The following NEK11 variants were observed in gnomAD, a reference collection of about 807,000 sequenced individuals.
NEK11 encodes the protein serine/threonine-protein kinase Nek11.
Under a neutral mutation model 80.7 loss-of-function variants are expected in NEK11, and 72 were observed. The ratio of observed to expected loss-of-function variants is 0.89; its 90% confidence interval spans 0.74 to 1.08. The LOEUF (loss-of-function observed/expected upper bound fraction) is 1.08. Among genes scored for constraint, NEK11 ranks in the 50% least tolerant of loss-of-function variants. The pLI, the probability that NEK11 is intolerant of heterozygous loss-of-function variation, is 0.00. For missense variants in NEK11, 764 were observed against 763.6 expected (o/e 1.00, Z -0.01); for synonymous variants, 251 against 260.7 (o/e 0.96, Z 0.36).
chr3:131,165,497 A>G lies in NEK11; in HGVS notation c.1154A>G (p.Gln385Arg), dbSNP rs112860756. ...MQELRSRNFQ[Q>R]LSVDVLHEKT... ...GAATTGAGATCTCGGAACTTTCAGCAGCTGAGTGTTGATGTACTCCATGTA... is the reference window on the plus strand; with the variant it reads ...GAATTGAGATCTCGGAACTTTCAGCGGCTGAGTGTTGATGTACTCCATGTA... Residue 385 changes from glutamine (Q) to arginine (R), a missense_variant, in exon 12 of 18, where the codon CAG becomes CGG. Coordinates refer to ENST00000383366, the MANE Select transcript of NEK11 (RefSeq NM_024800.5). 4.5e-5 allele frequency: 72 copies of G among 1,612,002 alleles called. No homozygotes were observed. Among genetic ancestry groups the G allele is most frequent in the Non-Finnish European group, 5.9e-5 (70 of 1,178,152 alleles).
At chr3:131,134,557 C>A (rs571124139) in intron 7 of NEK11, among the ~76,000 whole-genome samples, 3 of 152,016 alleles carry the variant, frequency 2.0e-5, no homozygotes, top group Non-Finnish European at 2.9e-5. Context: ...CCCACCACCA[C>A]GCCTGGCTAA....
At chr3:131,161,510 A>C (rs377409334) in intron 10 of NEK11, among the ~76,000 whole-genome samples, 8 of 152,240 alleles carry the variant, frequency 5.3e-5, no homozygotes, top group East Asian at 3.8e-4. Context: ...CCATAAAAAT[A>C]ACAAGATCAT....
chr3:131,148,850 A>C (rs573323545), intron 7 of NEK11, among the ~76,000 whole-genome samples: 2 of 151,900 alleles, frequency 1.3e-5, no homozygotes, highest in Admixed American at 1.3e-4. Context: ...TTCATTAAAA[A>C]TAAATTTTAT....
chr3:131,284,371 G>T (rs1350220968), intron 17 of NEK11, among the ~76,000 whole-genome samples: 1 of 152,174 alleles, frequency 6.6e-6, no homozygotes, highest in African/African-American at 2.4e-5. Flanking sequence ...CCTTTCCTAA[G>T]ACTTCTACAA....
rs187134146 is a variant in NEK11, at chr3:131,150,519, T to C, written c.648-1869T>C. ...TTGTTTTATTAATCCACCATCTTAA[T>C]CTTAGTAGTGTTTCTTGCCATTTTG... On this transcript the variant is annotated intron_variant, in intron 7 of 17. Transcript: ENST00000383366. 4.5e-4 allele frequency among the ~76,000 whole-genome samples: 68 copies of C among 152,164 alleles called. No individual in the cohort carries two copies. In the Middle Eastern group the frequency reaches 0.01, roughly 23 times the overall value.
intron 3 of NEK11, among the ~76,000 whole-genome samples, chr3:131,050,991 C>A (rs939698058): frequency 6.6e-6 from 1 of 152,164 alleles, no homozygotes; most frequent in Non-Finnish European, 1.5e-5. Flanking sequence ...TAGAATTGCA[C>A]CACAGCATCC....
chr3:131,147,027 T>A (rs2088496516), intron 7 of NEK11, among the ~76,000 whole-genome samples: 1 of 152,132 alleles, frequency 6.6e-6, no homozygotes, highest in African/African-American at 2.4e-5. Flanking sequence ...TAGAAGTTTG[T>A]AATTTTAATG....
intron 12 of NEK11, among the ~76,000 whole-genome samples, chr3:131,168,299 T>C (rs551935201): frequency 6.6e-6 from 1 of 152,330 alleles, no homozygotes; most frequent in Non-Finnish European, 1.5e-5. Context: ...CAGATTCTGA[T>C]TCAATTAGTC....
intron 4 of NEK11, among the ~76,000 whole-genome samples, chr3:131,085,502 GGTTAAA>G: frequency 6.6e-6 from 1 of 152,252 alleles, no homozygotes; most frequent in African/African-American, 2.4e-5. Context: ...GGAAGGGTAT[GGTTAAA>G]GTGCTGTGGG....
chr3:131,135,459 T>G (rs984667962), intron 7 of NEK11, among the ~76,000 whole-genome samples: 6 of 152,146 alleles, frequency 3.9e-5, no homozygotes, highest in Non-Finnish European at 8.8e-5. Context: ...ACTAATGAGT[T>G]CCTTTAAATT....
chr3:131,214,363 C>G (rs1283568249), intron 14 of NEK11, among the ~76,000 whole-genome samples: 1 of 152,118 alleles, frequency 6.6e-6, no homozygotes, highest in Non-Finnish European at 1.5e-5. Flanking sequence ...AGTCATAGAA[C>G]GAGTTGTCTT....
intron 4 of NEK11, among the ~76,000 whole-genome samples, chr3:131,090,012 G>A (rs1438320883): frequency 1.3e-5 from 2 of 151,844 alleles, no homozygotes; most frequent in African/African-American, 2.4e-5. Flanking sequence ...ACATTGCAGG[G>A]GTTTTTTTGT....
At position 131,118,763 on chromosome 3, in the gene NEK11, G is replaced by A. The variant is rs995378976; in HGVS notation, c.455+8842G>A. 5.9e-5 allele frequency among the ~76,000 whole-genome samples: 9 copies of A among 152,268 alleles called. No homozygotes were observed. In the South Asian group the frequency reaches 1.9e-3, roughly 32 times the overall value. ...AGATTTTCTAGTTTATTTGAGTAGA[G>A]GTGTTTATAGTATTCTCTGATGGTA... On this transcript the variant is annotated intron_variant, in intron 5 of 17. Transcript: ENST00000383366.
intron 14 of NEK11, among the ~76,000 whole-genome samples, chr3:131,197,156 T>C (rs1252057807): frequency 2.0e-5 from 3 of 152,148 alleles, no homozygotes; most frequent in African/African-American, 7.2e-5. Flanking sequence ...GGCTTAGGGA[T>C]TCTTAGTCAG....
chr3:131,336,599 A>G (rs1039301193), intron 17 of NEK11, among the ~76,000 whole-genome samples: 4 of 152,206 alleles, frequency 2.6e-5, no homozygotes, highest in Non-Finnish European at 5.9e-5. Context: ...AATGGCAACA[A>G]AAGCCAAAAT....
At position 131,181,521 on chromosome 3, in the gene NEK11, C is replaced by T. The variant is rs559084651; in HGVS notation, c.1399+10634C>T. On this transcript the variant is annotated intron_variant, in intron 14 of 17. Transcript: ENST00000383366. ...CAGCACTTTGGGAGGCCAAGGCGGG[C>T]AGATCACAAGGTCAGGAGATGGAGA... Among the ~76,000 whole-genome samples the T allele has an allele frequency of 1.4e-4, 21 of 152,076 alleles. No homozygotes were observed. The South Asian group carries it at 3.9e-3, about 29-fold the overall frequency.
At chr3:131,294,631 ATCTG>A (rs1239994938) in intron 17 of NEK11, among the ~76,000 whole-genome samples, 2 of 152,078 alleles carry the variant, frequency 1.3e-5, no homozygotes, top group African/African-American at 4.8e-5. Flanking sequence ...TATCTGCTGT[ATCTG>A]TCTATTTCTG....
chr3:131,327,847 T>C (rs2096996382), intron 17 of NEK11: 1 of 151,934 alleles, frequency 6.6e-6, no homozygotes, highest in Admixed American at 6.6e-5. Flanking sequence ...CTCTACTCTC[T>C]CTCCTATTTC....
At chr3:131,241,691 TG>T (rs746149077) in intron 15 of NEK11, among the ~76,000 whole-genome samples, 24 of 152,216 alleles carry the variant, frequency 1.6e-4, no homozygotes, top group Admixed American at 5.9e-4. Context: ...TACATTGTAC[TG>T]TTTTTTTGTG....
Sources: allele counts gnomAD v4.1 joint callset (sites outside exome capture counted in the v4.1 genomes callset), GRCh38; gene constraint gnomAD v4.1.1; transcripts MANE v1.5; gene names NCBI Gene and HGNC (gene_info 2026-07-23, HGNC 2026-07-21).